Variants in ITPKB observed in about 807,000 individuals in gnomAD.
ITPKB encodes IP3 3-kinase B.
Under a neutral mutation model 69.4 loss-of-function variants are expected in ITPKB, and 13 were observed. That is an observed-to-expected ratio of 0.19 (90% CI 0.12 to 0.30). ITPKB has a LOEUF of 0.30. Ranked by LOEUF, ITPKB falls within the 10% of genes least tolerant of loss-of-function variation. The pLI is 1.00. For synonymous variants in ITPKB, 584 were observed against 513.7 expected (o/e 1.14, Z -1.85); for missense variants, 1,240 against 1,250.5 (o/e 0.99, Z 0.13).
At chr1:226,652,619 G>A (rs1014940275) in intron 2 of ITPKB, among the ~76,000 whole-genome samples, 1 of 152,218 alleles carries the variant, frequency 6.6e-6, no homozygotes, top group Non-Finnish European at 1.5e-5. Context: ...CCCAGCTCTA[G>A]GAAATACAAA....
intron 2 of ITPKB, among the ~76,000 whole-genome samples, chr1:226,733,474 C>T (rs1657654416): frequency 2.0e-5 from 3 of 152,104 alleles, no homozygotes; most frequent in Non-Finnish European, 4.4e-5. Context: ...ACAATCTGTA[C>T]AAGAAGAAAA....
At position 226,642,274 on chromosome 1, in the gene ITPKB, G is replaced by C; in HGVS notation, c.2247-149C>G. The C allele has an allele frequency of 1.6e-6, 1 of 629,986 alleles. No homozygotes were observed. The highest frequency in any genetic ancestry group is 2.7e-6 in the Non-Finnish European group (1 of 364,368). The allele number at this position is 629,986 out of a possible 1,614,324, so 39.0% of individuals were successfully genotyped here. On this transcript the variant is annotated intron_variant, in intron 4 of 7. Coordinates refer to ENST00000429204, the MANE Select transcript of ITPKB (RefSeq NM_002221.4). This position sits in a 1 kb window ranked among gnomAD's most constrained non-coding sequence, Gnocchi z 6.4. ...GCCCTGAGTCAAGGCACGTCTTTCC[G>C]AGGGGACGGCAGACTCTGTTCCAGC...
intron 2 of ITPKB, among the ~76,000 whole-genome samples, chr1:226,719,974 C>T (rs1657192741): frequency 6.6e-6 from 1 of 152,252 alleles, no homozygotes; most frequent in Non-Finnish European, 1.5e-5. Context: ...CCTGCTATGT[C>T]TGCAGCAATG....
intron 2 of ITPKB, among the ~76,000 whole-genome samples, chr1:226,655,258 T>C (rs1669267670): frequency 6.6e-6 from 1 of 152,218 alleles, no homozygotes; most frequent in Non-Finnish European, 1.5e-5. Flanking sequence ...AGGGGTCCCT[T>C]GTCCAAAATT....
At chr1:226,711,405 AAGAGAG>A (rs59479705) in intron 2 of ITPKB, among the ~76,000 whole-genome samples, 1,955 of 129,800 alleles carry the variant, frequency 0.015, 35 homozygotes, top group East Asian at 0.074. Flanking sequence ...GGTGTTTTGA[AAGAGAG>A]AGAGAGAGAG....
Position 226,642,695 on chromosome 1 carries a change from G to A in ITPKB, c.2247-570C>T, listed in dbSNP as rs1032456186. 2.0e-5 allele frequency among the ~76,000 whole-genome samples: 3 copies of A among 152,064 alleles called. No individual in the cohort carries two copies. The highest frequency in any genetic ancestry group is 2.0e-4 in the Admixed American group (3 of 15,272). ...CGGTGGAGCTAAGAGAGGGGACTGG[G>A]GGCAGGGTCTACTCAGGGCCCCACT... On this transcript the variant is annotated intron_variant, in intron 4 of 7. Transcript: ENST00000429204. The surrounding 1 kb of genome is among the most constrained non-coding windows in gnomAD (Gnocchi z 6.4).
chr1:226,634,965 CAGGTGGGGAGGCTCGCT>C lies in ITPKB; in HGVS notation c.2626-96_2626-80del. 8.7e-7 allele frequency: 1 copy of C among 1,145,334 alleles called. No homozygotes were observed. Among genetic ancestry groups the C allele is most frequent in the Non-Finnish European group, 1.3e-6 (1 of 793,410 alleles). 70.9% of individuals were successfully genotyped at this position (1,145,334 alleles called of 1,614,324 possible). A position where few individuals can be genotyped will look rare whatever the true frequency, so the allele number is the denominator to read the frequency against. On this transcript the variant is annotated intron_variant, in intron 7 of 7. Transcript: ENST00000429204. The surrounding 1 kb of genome is among the most constrained non-coding windows in gnomAD (Gnocchi z 6.3). ...CACTGCGGCCCGGGGCCTGGGTGAC[CAGGTGGGGAGGCTCGCT>C]CAGGCCGGACAGTTGGGTGCCTGCA...
In ITPKB at chr1:226,638,647, C is replaced by A. The variant is rs186608158; in HGVS notation, c.2554-897G>T. ...CATCTATCCAGTCTGCGAGCCGCTG[C>A]AGCAGCAACACACAAGACAGAACTT... On this transcript the variant is annotated intron_variant, in intron 6 of 7. Transcript: ENST00000429204. Among the ~76,000 whole-genome samples the A allele has an allele frequency of 4.5e-3, 678 of 152,260 alleles. 3 individuals are homozygous for A. Among genetic ancestry groups the A allele is most frequent in the Non-Finnish European group, 4.7e-3 (323 of 68,012 alleles).
chr1:226,736,131 A>C lies in ITPKB; in HGVS notation c.1328T>G (p.Val443Gly), dbSNP rs1571883298. ...GCCCAGCGTTGGGGACCCTCCCTCC[A>C]CTCTGTCGGAGAGCTGCCAACGCCC... ...GGGRWQLSDR[V>G]EGGSPTLGLL... Residue 443 changes from valine to glycine, a missense_variant, in exon 2 of 8, where the codon GTG (valine) becomes GGG (glycine). Around this residue, in one of 2 missense-constraint regions of ITPKB, gnomAD observed 992 missense variants for 853.8 expected, o/e 1.16. Transcript: ENST00000429204. 2 of 1,583,956 alleles carry C rather than the reference A, an allele frequency of 1.3e-6. No homozygotes were observed. The highest frequency in any genetic ancestry group is 1.4e-5 in the African/African-American group (1 of 73,934).
chr1:226,737,182 T>TGCTGCC lies in ITPKB; in HGVS notation c.271_276dup (p.Gly91_Ser92dup), dbSNP rs775069596. On this transcript the variant is annotated inframe_insertion, in exon 2 of 8. Transcript: ENST00000429204. ...CTTGGGCTGCTCACGCTACTGCCGC[T>TGCTGCC]GCTGCCGCTGCCACTGCCGCTGCTA... 1.2e-4 allele frequency: 98 copies of TGCTGCC among 824,264 alleles called. No individual in the cohort carries two copies. The highest frequency in any genetic ancestry group is 1.4e-4 in the Admixed American group (4 of 28,648). The allele number at this position is 824,264 out of a possible 1,614,324, so 51.1% of individuals were successfully genotyped here.
At chr1:226,671,093 C>T (rs781696705) in intron 2 of ITPKB, among the ~76,000 whole-genome samples, 3 of 152,206 alleles carry the variant, frequency 2.0e-5, no homozygotes, top group African/African-American at 7.2e-5. Flanking sequence ...GGGCTTTCTT[C>T]CTGTAGGTTC....
intron 2 of ITPKB, among the ~76,000 whole-genome samples, chr1:226,732,011 T>C (rs1310335262): frequency 7.1e-6 from 1 of 140,670 alleles, no homozygotes; most frequent in East Asian, 2.1e-4. Context: ...CAAAACCACA[T>C]AAAACCATGT....
chr1:226,648,462 T>G (rs1571838561), intron 3 of ITPKB, among the ~76,000 whole-genome samples: 1 of 152,128 alleles, frequency 6.6e-6, no homozygotes, highest in Non-Finnish European at 1.5e-5. Flanking sequence ...TTTTGGAGGA[T>G]GGGGTAACAC....
rs1012480218 is a variant in ITPKB, at chr1:226,736,320, C to A, written c.1139G>T (p.Gly380Val). 1 of 1,611,264 alleles carries A rather than the reference C, an allele frequency of 6.2e-7. No individual in the cohort carries two copies. The highest frequency in any genetic ancestry group is 1.3e-5 in the African/African-American group (1 of 74,826). ...TTCAGGCTCCCCAGAGCCCGGCATG[C>A]CACAGGGCAGATATCCTTTCCCCAT... is the stretch of plus-strand genomic sequence containing the variant. ...GKMGKGYLPC[G>V]MPGSGEPEVG... is the part of the protein sequence containing the mutation. Residue 380 changes from glycine to valine, a missense_variant, in exon 2 of 8, where the codon GGC (glycine) becomes GTC (valine). Transcript: ENST00000429204.
At chr1:226,685,740 T>C (rs1271788520) in intron 2 of ITPKB, among the ~76,000 whole-genome samples, 2 of 152,248 alleles carry the variant, frequency 1.3e-5, no homozygotes, top group Admixed American at 1.3e-4. Flanking sequence ...TAACAGGTGT[T>C]TAGTTCATTG....
chr1:226,665,381 G>A (rs552175533), intron 2 of ITPKB, among the ~76,000 whole-genome samples: 1 of 152,342 alleles, frequency 6.6e-6, no homozygotes, highest in Admixed American at 6.5e-5. Context: ...ACTTTGCTGA[G>A]CTGCTGTTTC....
chr1:226,680,284 A>G (rs1488185456), intron 2 of ITPKB, among the ~76,000 whole-genome samples: 2 of 152,210 alleles, frequency 1.3e-5, no homozygotes. Context: ...TGCCCAAATC[A>G]GCATGACCCC....
chr1:226,656,206 A>G (rs1048733962), intron 2 of ITPKB, among the ~76,000 whole-genome samples: 1 of 152,130 alleles, frequency 6.6e-6, no homozygotes, highest in African/African-American at 2.4e-5. Flanking sequence ...CTTCTCTTTA[A>G]CACAAGAAAG....
chr1:226,732,102 C>CAA (rs532778037), intron 2 of ITPKB, among the ~76,000 whole-genome samples: 44 of 76,276 alleles, frequency 5.8e-4, no homozygotes, highest in Admixed American at 1.3e-3. Flanking sequence ...TAGTCAACAT[C>CAA]AAAAAAAAAA....
Sources: gnomAD v4.1 joint callset for allele counts (sites outside exome capture counted in the v4.1 genomes callset) on GRCh38, gnomAD v4.1.1 for gene constraint, gnomAD v4.1.1 regional missense constraint, Gnocchi (gnomAD v3.1) non-coding constraint, MANE v1.5 for transcripts, NCBI Gene and HGNC (gene_info 2026-07-23, HGNC 2026-07-21) for gene names.